Variants in CEP112 observed in about 807,000 individuals in gnomAD.
CEP112 encodes centrosomal protein 112.
CEP112 carries 127 observed loss-of-function variants against 153.0 expected under a neutral mutation model. The observed-to-expected ratio is 0.83, with a 90% confidence interval of 0.72 to 0.96. The LOEUF (loss-of-function observed/expected upper bound fraction) is 0.96. Ranked by LOEUF, CEP112 falls within the 40% of genes least tolerant of loss-of-function variation. The pLI, the probability that CEP112 is intolerant of heterozygous loss-of-function variation, is 0.00. For missense variants in CEP112, 1,089 were observed against 1,101.2 expected (o/e 0.99, Z 0.16); for synonymous variants, 358 against 374.4 (o/e 0.96, Z 0.51).
intron 12 of CEP112, among the ~76,000 whole-genome samples, chr17:66,052,380 C>T (rs1269898222): frequency 6.6e-6 from 1 of 152,146 alleles, no homozygotes; most frequent in Non-Finnish European, 1.5e-5. Flanking sequence ...ACATGAGGAG[C>T]TCTGAGCCAC....
At chr17:65,801,893 T>C (rs9903660) in intron 21 of CEP112, among the ~76,000 whole-genome samples, 95,576 of 152,002 alleles carry the variant, frequency 0.63, 31,028 homozygotes, top group East Asian at 0.92. Flanking sequence ...AGTGTGCCCA[T>C]GCCACACTTT....
intron 6 of CEP112, among the ~76,000 whole-genome samples, chr17:66,110,035 C>T (rs776922131): frequency 6.6e-6 from 1 of 152,108 alleles, no homozygotes; most frequent in Non-Finnish European, 1.5e-5. Context: ...TGGCAGACAC[C>T]TGTAGTCCCA....
At chr17:66,155,009 T>C (rs2071378573) in intron 4 of CEP112, among the ~76,000 whole-genome samples, 1 of 152,014 alleles carries the variant, frequency 6.6e-6, no homozygotes. Context: ...CTCTCTCTCT[T>C]CTCACTTTCT....
chr17:65,819,731 C>A (rs1290563608), intron 21 of CEP112, among the ~76,000 whole-genome samples: 1 of 151,880 alleles, frequency 6.6e-6, no homozygotes, highest in African/African-American at 2.4e-5. Flanking sequence ...TAATCATAAA[C>A]AAAGTGAGAA....
Position 65,943,676 on chromosome 17 carries a change from T to C in CEP112, c.1873-15987A>G, listed in dbSNP as rs533136061. 2.6e-5 allele frequency among the ~76,000 whole-genome samples: 4 copies of C among 152,306 alleles called. No homozygotes were observed. In the East Asian group the frequency reaches 7.7e-4, roughly 29 times the overall value. Reference sequence around the variant, plus strand: ...TTCATTTCTACCTTGGAAAATCTCATGATTATGTGTCTTGGGGTTGATCTT... The same window carrying C: ...TTCATTTCTACCTTGGAAAATCTCACGATTATGTGTCTTGGGGTTGATCTT... On this transcript the variant is annotated intron_variant, in intron 18 of 26. Transcript: ENST00000535342.
intron 21 of CEP112, among the ~76,000 whole-genome samples, chr17:65,771,831 A>C (rs1276739950): frequency 6.6e-6 from 1 of 152,128 alleles, no homozygotes; most frequent in Non-Finnish European, 1.5e-5. Flanking sequence ...CCTGGGCAAC[A>C]TAGTGAGACC....
chr17:65,972,332 A>C (rs924993608), intron 17 of CEP112, among the ~76,000 whole-genome samples: 1 of 152,218 alleles, frequency 6.6e-6, no homozygotes, highest in East Asian at 1.9e-4. Context: ...AGAAATTAGA[A>C]AGCATTTTGG....
intron 11 of CEP112, among the ~76,000 whole-genome samples, chr17:66,059,669 G>A (rs1384939390): frequency 6.6e-6 from 1 of 152,174 alleles, no homozygotes; most frequent in Non-Finnish European, 1.5e-5. Context: ...CAAGGTTGCA[G>A]AGAAAAAGGA....
intron 19 of CEP112, among the ~76,000 whole-genome samples, chr17:65,904,206 T>A (rs995365998): frequency 2.0e-5 from 3 of 152,184 alleles, no homozygotes; most frequent in African/African-American, 7.2e-5. Flanking sequence ...GAAAACCCCA[T>A]CGTCTCAGCC....
intron 18 of CEP112, among the ~76,000 whole-genome samples, chr17:65,939,544 T>G (rs547867224): frequency 2.0e-5 from 3 of 152,164 alleles, no homozygotes; most frequent in African/African-American, 7.2e-5. Flanking sequence ...CAAGAGCTGA[T>G]ACATTAGCCA....
At chr17:65,909,639 T>C (rs1204412286) in intron 19 of CEP112, among the ~76,000 whole-genome samples, 1 of 152,046 alleles carries the variant, frequency 6.6e-6, no homozygotes, top group Non-Finnish European at 1.5e-5. Flanking sequence ...TGGGTAAAGA[T>C]AATAGGGAAA....
At chr17:66,176,783 T>C in intron 3 of CEP112, 47 bp downstream of exon 3, 1 of 1,438,652 alleles carries the variant, frequency 7.0e-7, no homozygotes. Context: ...ACTTGACGCT[T>C]TTTTTTAAAT....
chr17:66,008,007 C>T (rs1039704184), intron 16 of CEP112, among the ~76,000 whole-genome samples: 2 of 152,100 alleles, frequency 1.3e-5, no homozygotes, highest in Non-Finnish European at 2.9e-5. Context: ...GTCCTCAACT[C>T]CTCCATGTTC....
chr17:65,812,972 C>T (rs1030937068), intron 21 of CEP112, among the ~76,000 whole-genome samples: 3 of 152,080 alleles, frequency 2.0e-5, no homozygotes, highest in African/African-American at 7.2e-5. Flanking sequence ...AATATTCATA[C>T]AGAAGTAAAA....
chr17:66,173,865 C>T (rs770683279), intron 4 of CEP112, among the ~76,000 whole-genome samples: 1 of 152,034 alleles, frequency 6.6e-6, no homozygotes, highest in African/African-American at 2.4e-5. Flanking sequence ...TTTTGCCTCC[C>T]CATTCTGTTT....
chr17:65,826,039 C>G (rs2056823051), intron 21 of CEP112: 1 of 1,200,276 alleles, frequency 8.3e-7, no homozygotes, highest in Non-Finnish European at 1.2e-6. Context: ...AATTCATCTC[C>G]TTGAGATGAA....
intron 17 of CEP112, among the ~76,000 whole-genome samples, chr17:65,964,666 G>C (rs572771595): frequency 6.7e-6 from 1 of 150,338 alleles, no homozygotes; most frequent in Non-Finnish European, 1.5e-5. Context: ...AGGATTCTGA[G>C]AGCAAGCTCA....
intron 4 of CEP112, among the ~76,000 whole-genome samples, chr17:66,158,569 G>A (rs1009570026): frequency 8.5e-5 from 13 of 152,122 alleles, no homozygotes; most frequent in East Asian, 7.7e-4. Flanking sequence ...CCGAGATCGC[G>A]CCACTGCACT....
At chr17:65,789,766 C>T (rs1186583112) in intron 21 of CEP112, among the ~76,000 whole-genome samples, 2 of 152,266 alleles carry the variant, frequency 1.3e-5, no homozygotes, top group Non-Finnish European at 2.9e-5. Context: ...TCGGCCTATA[C>T]ACAATTATTT....
Sources: gnomAD v4.1 joint callset for allele counts (sites outside exome capture counted in the v4.1 genomes callset) on GRCh38, gnomAD v4.1.1 for gene constraint, MANE v1.5 for transcripts, NCBI Gene and HGNC (gene_info 2026-07-23, HGNC 2026-07-21) for gene names.